ELF1: variants seen among roughly 807,000 people sequenced by gnomAD.
ELF1 encodes the protein E74 like ETS transcription factor 1.
In ELF1, 24 loss-of-function variants were observed where a neutral mutation model predicts 59.9. That is an observed-to-expected ratio of 0.40 (90% CI 0.29 to 0.56). The LOEUF is 0.56. ELF1 is among the 20% of genes least tolerant of loss of function. The pLI is 0.44. For missense variants in ELF1, 627 were observed against 742.2 expected, an observed-to-expected ratio of 0.84 and a Z score of 1.80; for synonymous variants, 248 against 266.2, an observed-to-expected ratio of 0.93 and a Z score of 0.67.
upstream of ELF1, among the ~76,000 whole-genome samples, chr13:41,021,473 A>G (rs1228357126): frequency 6.6e-6 from 1 of 152,150 alleles, no homozygotes; most frequent in East Asian, 1.9e-4. Context: ...TACAGCCCCA[A>G]TAAGTCAATC....
chr13:41,059,948 C>A lies in ELF1; in HGVS notation c.-229+890G>T, dbSNP rs180747496. On this transcript the variant is annotated intron_variant, in intron 1 of 1. Coordinates refer to the ELF1 transcript ENST00000405737. ...TCGATATACTTATTTAAAGCCATCT[C>A]ATCAGAGTGGTATTTTTCTCCTCCA... 2.6e-3 allele frequency among the ~76,000 whole-genome samples: 400 copies of A among 152,318 alleles called. 6 individuals carry two copies. The highest frequency in any genetic ancestry group is 5.3e-4 in the Non-Finnish European group (36 of 68,024).
chr13:40,947,033 C>T (rs1355100760), intron 5 of ELF1, among the ~76,000 whole-genome samples: 1 of 150,978 alleles, frequency 6.6e-6, no homozygotes, highest in Non-Finnish European at 1.5e-5. Context: ...ATGTACCAAT[C>T]GTATATTGTT....
In ELF1 at chr13:41,061,099, C is replaced by CT. The variant is rs79032968; in HGVS notation, c.-491dup. The CT allele has an allele frequency of 9.1e-3, 1,687 of 184,556 alleles. 12 individuals carry two copies. Among genetic ancestry groups the CT allele is most frequent in the African/African-American group, 0.021 (886 of 42,236 alleles). 11.4% of individuals were successfully genotyped at this position (184,556 alleles called of 1,614,324 possible). A position where few individuals can be genotyped will look rare whatever the true frequency, so the allele number is the denominator to read the frequency against. On this transcript the variant is annotated 5_prime_UTR_variant, in exon 1 of 2. Coordinates refer to the ELF1 transcript ENST00000405737. ...CAGCGCCGGTCCCGCAGTTTCACCT[C>CT]TTTTTTTTTTAACTCCGCCAGAGGA...
chr13:41,053,921 C>T (rs960911864), intron 1 of ELF1, among the ~76,000 whole-genome samples: 2 of 152,148 alleles, frequency 1.3e-5, no homozygotes, highest in African/African-American at 4.8e-5. Context: ...CTTTTAACAA[C>T]TACAACCAAA....
chr13:41,048,659 C>G (rs1326135780), intron 1 of ELF1, among the ~76,000 whole-genome samples: 1 of 152,000 alleles, frequency 6.6e-6, no homozygotes, highest in African/African-American at 2.4e-5. Flanking sequence ...GCAATCCGCC[C>G]ACCTCAGCCT....
At chr13:40,961,754 G>A (rs1871836708) in intron 2 of ELF1, among the ~76,000 whole-genome samples, 1 of 152,000 alleles carries the variant, frequency 6.6e-6, no homozygotes, top group Non-Finnish European at 1.5e-5. Flanking sequence ...GCTCAATTAA[G>A]CTCCTGGTCT....
At chr13:40,948,136 T>G (rs75719223) in intron 5 of ELF1, among the ~76,000 whole-genome samples, 10,019 of 152,242 alleles carry the variant, frequency 0.066, 796 homozygotes, top group East Asian at 0.36. Flanking sequence ...TGCCCCACCT[T>G]AATACATGGA....
At chr13:40,985,841 A>G (rs1215682847) in intron 1 of ELF1, among the ~76,000 whole-genome samples, 1 of 152,246 alleles carries the variant, frequency 6.6e-6, no homozygotes, top group Non-Finnish European at 1.5e-5. Flanking sequence ...TATCTATTAT[A>G]GTCAGGAAGC....
At chr13:41,038,263 T>C (rs1876466241) in intron 1 of ELF1, among the ~76,000 whole-genome samples, 1 of 151,948 alleles carries the variant, frequency 6.6e-6, no homozygotes, top group African/African-American at 2.4e-5. Flanking sequence ...GTGATGATAA[T>C]AAAAATGGTA....
intron 2 of ELF1, 26 bp from the exon 3 acceptor site, chr13:40,959,042 T>G: frequency 6.4e-7 from 1 of 1,568,534 alleles, no homozygotes; most frequent in South Asian, 1.2e-5. Flanking sequence ...GAGAGGAAAA[T>G]GAAAACAAAG....
At chr13:41,033,817 A>G (rs1226279059) in intron 1 of ELF1, among the ~76,000 whole-genome samples, 1 of 152,184 alleles carries the variant, frequency 6.6e-6, no homozygotes, top group Admixed American at 6.5e-5. Context: ...ACTGAATACT[A>G]TATGATTCCA....
intron 1 of ELF1, among the ~76,000 whole-genome samples, chr13:41,054,295 T>C (rs930304099): frequency 6.6e-6 from 1 of 152,258 alleles, no homozygotes; most frequent in African/African-American, 2.4e-5. Context: ...TTCTATTTAA[T>C]GAGCATCACT....
At chr13:40,973,853 A>C (rs769930199) in intron 2 of ELF1, among the ~76,000 whole-genome samples, 1 of 152,230 alleles carries the variant, frequency 6.6e-6, no homozygotes, top group Non-Finnish European at 1.5e-5. Flanking sequence ...GAGTAATGAT[A>C]CATGGCACAA....
chr13:40,942,674 C>T (rs756691844), intron 7 of ELF1, among the ~76,000 whole-genome samples: 1 of 152,064 alleles, frequency 6.6e-6, no homozygotes, highest in Non-Finnish European at 1.5e-5. Flanking sequence ...GTGCATACCA[C>T]CACGCCTGGC....
intron 3 of ELF1, among the ~76,000 whole-genome samples, chr13:40,953,159 A>G (rs1288359931): frequency 6.6e-6 from 1 of 152,022 alleles, no homozygotes; most frequent in East Asian, 1.9e-4. Flanking sequence ...TATTTTCAGT[A>G]GAGACGGGAT....
At chr13:41,005,681 TC>T (rs993560138) in intron 1 of ELF1, among the ~76,000 whole-genome samples, 10 of 152,202 alleles carry the variant, frequency 6.6e-5, no homozygotes, top group African/African-American at 2.2e-4. Context: ...TCATATATAT[TC>T]AACTATATAC....
At chr13:41,037,899 C>T (rs1338011498) in intron 1 of ELF1, among the ~76,000 whole-genome samples, 1 of 151,844 alleles carries the variant, frequency 6.6e-6, no homozygotes, top group African/African-American at 2.4e-5. Flanking sequence ...ATGTGCTACA[C>T]AGACTAAGAA....
chr13:41,000,512 C>T (rs1168527442), intron 1 of ELF1, among the ~76,000 whole-genome samples: 1 of 151,936 alleles, frequency 6.6e-6, no homozygotes, highest in African/African-American at 2.4e-5. Context: ...TGAGCCACCA[C>T]ACTGGGCCGA....
rs147965813 is a variant in ELF1, at chr13:41,004,547, C to G, written c.-229+14681G>C. 3.4e-3 allele frequency among the ~76,000 whole-genome samples: 510 copies of G among 152,166 alleles called. 3 individuals carry two copies. Among genetic ancestry groups the G allele is most frequent in the African/African-American group, 0.012 (484 of 41,534 alleles). On this transcript the variant is annotated intron_variant, in intron 1 of 8. Coordinates refer to ENST00000239882, the MANE Select transcript of ELF1 (RefSeq NM_172373.4). ...ACTAACTGTATTTTCTTAGATAAGTCAACCTCTATAACTTTCCATTTCATC... is the reference window on the plus strand; with the variant it reads ...ACTAACTGTATTTTCTTAGATAAGTGAACCTCTATAACTTTCCATTTCATC...
Sources: gnomAD v4.1 joint callset for allele counts (sites outside exome capture counted in the v4.1 genomes callset) on GRCh38, gnomAD v4.1.1 for gene constraint, MANE v1.5 for transcripts, NCBI Gene and HGNC (gene_info 2026-07-23, HGNC 2026-07-21) for gene names.